CRACR2A: variants seen among roughly 807,000 people sequenced by gnomAD.
CRACR2A encodes the protein EF-hand calcium-binding domain-containing protein 4B.
A neutral mutation model predicts 90.5 loss-of-function variants in CRACR2A; 79 were observed. That is an observed-to-expected ratio of 0.87 (90% CI 0.73 to 1.05). The LOEUF (loss-of-function observed/expected upper bound fraction) is 1.05, where lower values mean the gene tolerates loss of function less well. CRACR2A is among the 50% of genes least tolerant of loss of function. The pLI, the probability that CRACR2A is intolerant of heterozygous loss-of-function variation, is 0.00. For missense variants in CRACR2A, 823 were observed against 897.2 expected, an observed-to-expected ratio of 0.92 and a Z score of 1.06; for synonymous variants, 338 against 356.7, an observed-to-expected ratio of 0.95 and a Z score of 0.59.
intron 12 of CRACR2A, among the ~76,000 whole-genome samples, chr12:3,643,456 A>C (rs1336383912): frequency 6.6e-6 from 1 of 152,118 alleles, no homozygotes; most frequent in Non-Finnish European, 1.5e-5. Flanking sequence ...GTCATGGTCC[A>C]AGGCAGTAAA....
intron 2 of CRACR2A, chr12:3,729,742 T>G (rs571476212): frequency 5.9e-5 from 9 of 152,234 alleles, no homozygotes; most frequent in African/African-American, 2.2e-4. Context: ...CATGATAGAT[T>G]GGCTAAAATG....
chr12:3,666,910 T>C (rs374209978), intron 7 of CRACR2A, among the ~76,000 whole-genome samples: 1 of 152,238 alleles, frequency 6.6e-6, no homozygotes, highest in East Asian at 1.9e-4. Flanking sequence ...CTTTTGTAAA[T>C]GAAAGCGTAG....
intron 4 of CRACR2A, among the ~76,000 whole-genome samples, chr12:3,694,686 T>TC (rs1424137805): frequency 6.6e-6 from 1 of 152,026 alleles, no homozygotes; most frequent in Non-Finnish European, 1.5e-5. Flanking sequence ...TTCATGCATC[T>TC]CCCCCAGCCC....
rs1945396480 is a variant in CRACR2A, at chr12:3,679,100, T to TG, written c.341-3dup. 1.2e-6 allele frequency: 2 copies of TG among 1,610,788 alleles called. No individual in the cohort carries two copies. Among genetic ancestry groups the TG allele is most frequent in the Non-Finnish European group, 1.7e-6 (2 of 1,178,614 alleles). On this transcript the variant is annotated splice_polypyrimidine_tract_variant and splice_region_variant and intron_variant, in intron 5 of 19. Transcript: ENST00000440314. ...TATTCTGGCTGAAGAAGAAGTGACC[T>TG]GGGGGGTGCAGGGCACAAGGATCCG...
rs1335609320 is a variant in CRACR2A, at chr12:3,696,876, G to T, written c.124C>A (p.Gln42Lys). 6.2e-7 allele frequency: 1 copy of T among 1,614,200 alleles called. No individual in the cohort carries two copies. Among genetic ancestry groups the T allele is most frequent in the Non-Finnish European group, 8.5e-7 (1 of 1,180,040 alleles). The stretch of plus-strand genomic sequence containing the variant: ...ACTAGCTGGCCCGACGTTTGCTCCT[G>T]AGTCTCCTTCTGCTCCAGGCTGTCC... Reference protein sequence around the residue: ...PLDSLEQKETQEQTSGQLVML... With the variant: ...PLDSLEQKETKEQTSGQLVML... Residue 42 changes from glutamine to lysine, a missense_variant, in exon 4 of 20, where the codon CAG (glutamine) becomes AAG (lysine). Gln to Lys is a moderately conservative substitution (Grantham distance 53). Coordinates refer to ENST00000440314, the MANE Select transcript of CRACR2A (RefSeq NM_001144958.2).
chr12:3,652,379 G>A (rs1944809063), intron 10 of CRACR2A, among the ~76,000 whole-genome samples: 1 of 152,216 alleles, frequency 6.6e-6, no homozygotes, highest in African/African-American at 2.4e-5. Context: ...AATGAAATAT[G>A]TTGTCCTTCC....
In CRACR2A at chr12:3,654,270, G is replaced by A; in HGVS notation, c.988C>T (p.Gln330Ter). Residue 330 changes from glutamine to a stop codon, truncating the protein, a stop_gained, in exon 10 of 20, where the codon CAG (glutamine) becomes TAG (stop). Transcript: ENST00000440314. LOFTEE classifies it high-confidence loss of function. ...ERTSWELQDA[Q>*]QQLESLQQEA... is the part of the protein sequence containing the mutation. ...TGCTGGAGGCTTTCCAACTGCTGCT[G>A]AGCATCCTGGAGCTCCCAGGAAGTC... 1.2e-6 allele frequency: 2 copies of A among 1,613,798 alleles called. No individual in the cohort carries two copies. The highest frequency in any genetic ancestry group is 1.7e-6 in the Non-Finnish European group (2 of 1,179,918).
chr12:3,679,051 C>T lies in CRACR2A; in HGVS notation c.388G>A (p.Glu130Lys), dbSNP rs867170339. ...TCTTCATGGCGCTGGGCCACCTGTT[C>T]ACCTGCATCTTCCTGACTTGGGTTA... ...QNNPSQEDAG[E>K]QVAQRHEEKV... The change falls in exon 6 of 20, where the codon GAA becomes AAA. Residue 130 changes from glutamate to lysine, a missense_variant. Physicochemically the swap from Glu to Lys is moderately conservative, Grantham distance 56 (BLOSUM62 1). Coordinates refer to ENST00000440314, the MANE Select transcript of CRACR2A (RefSeq NM_001144958.2). The T allele has an allele frequency of 3.7e-6, 6 of 1,613,864 alleles. No homozygotes were observed. The highest frequency in any genetic ancestry group is 3.4e-6 in the Non-Finnish European group (4 of 1,179,930).
intron 4 of CRACR2A, among the ~76,000 whole-genome samples, chr12:3,692,765 G>A (rs553013141): frequency 5.9e-5 from 9 of 152,262 alleles, no homozygotes; most frequent in Admixed American, 5.2e-4. Flanking sequence ...ATGGCTTGGG[G>A]GCCAGAGGCC....
chr12:3,745,254 G>C (rs1591727580), intron 1 of CRACR2A, among the ~76,000 whole-genome samples: 1 of 152,156 alleles, frequency 6.6e-6, no homozygotes, highest in Non-Finnish European at 1.5e-5. Context: ...GAAAGATCTA[G>C]AGGTTCTTCT....
At chr12:3,695,674 C>T (rs556326403) in intron 4 of CRACR2A, among the ~76,000 whole-genome samples, 1 of 152,292 alleles carries the variant, frequency 6.6e-6, no homozygotes, top group African/African-American at 2.4e-5. Context: ...AAAAACTAGA[C>T]TTAAAGAAAG....
chr12:3,735,258 C>T (rs1251356912), intron 1 of CRACR2A, among the ~76,000 whole-genome samples: 3 of 152,090 alleles, frequency 2.0e-5, no homozygotes, highest in Non-Finnish European at 4.4e-5. Flanking sequence ...CAAGTGAGCC[C>T]AACTCCTGGA....
rs536808904 is a variant in CRACR2A at position 3,648,428 on chromosome 12, C to G, written c.1118+114G>C. 8.5e-5 allele frequency: 135 copies of G among 1,591,834 alleles called. 1 individual carries two copies. The South Asian group carries it at 1.5e-3, about 17-fold the overall frequency. ...GGGGACCAAGGGAATTGAGGGCACT[C>G]TCTCAGCAGGCACGTTTTTCCAGCA... On this transcript the variant is annotated intron_variant, in intron 11 of 19. Coordinates refer to ENST00000440314, the MANE Select transcript of CRACR2A (RefSeq NM_001144958.2).
chr12:3,637,357 G>C (rs1944472612), intron 14 of CRACR2A, among the ~76,000 whole-genome samples: 1 of 152,370 alleles, frequency 6.6e-6, no homozygotes, highest in Non-Finnish European at 1.5e-5. Flanking sequence ...TAGGTGCCCA[G>C]TTAATGCTTT....
chr12:3,741,613 T>C (rs2137898617), intron 1 of CRACR2A, among the ~76,000 whole-genome samples: 1 of 151,118 alleles, frequency 6.6e-6, no homozygotes, highest in Non-Finnish European at 1.5e-5. Context: ...AGAGAGCAAG[T>C]GGTGAAGCTG....
intron 8 of CRACR2A, among the ~76,000 whole-genome samples, chr12:3,657,383 G>A (rs943771466): frequency 6.6e-6 from 1 of 152,244 alleles, no homozygotes; most frequent in African/African-American, 2.4e-5. Context: ...TCCCAAGGAG[G>A]ACAGCGTGGG....
At chr12:3,642,540 C>T (rs1944593869) in intron 12 of CRACR2A, among the ~76,000 whole-genome samples, 1 of 152,188 alleles carries the variant, frequency 6.6e-6, no homozygotes, top group African/African-American at 2.4e-5. Flanking sequence ...AAAATATTTA[C>T]AGGCATAAAA....
intron 7 of CRACR2A, chr12:3,672,595 C>T: frequency 4.3e-6 from 1 of 231,700 alleles, no homozygotes; most frequent in East Asian, 1.8e-4. Context: ...CATCTAAGTC[C>T]ATGTTCATAA....
At chr12:3,615,514 C>T (rs764610600) in intron 19 of CRACR2A, 75 bp from the exon 20 acceptor site, 23 of 1,288,246 alleles carry the variant, frequency 1.8e-5, no homozygotes, top group Non-Finnish European at 2.5e-5. Flanking sequence ...GGACAAGCTA[C>T]CCTCAGGTTA....
Sources: gnomAD v4.1 joint callset for allele counts (sites outside exome capture counted in the v4.1 genomes callset) on GRCh38, gnomAD v4.1.1 for gene constraint, MANE v1.5 for transcripts, NCBI Gene and HGNC (gene_info 2026-07-23, HGNC 2026-07-21) for gene names.